BCKDHB: variants seen among roughly 807,000 people sequenced by gnomAD.
BCKDHB encodes the protein 2-oxoisovalerate dehydrogenase subunit beta, mitochondrial.
Under a neutral mutation model 48.5 loss-of-function variants are expected in BCKDHB, and 41 were observed. The ratio of observed to expected loss-of-function variants is 0.85; its 90% CI spans 0.66 to 1.10. BCKDHB has a LOEUF of 1.10. Ranked by LOEUF, BCKDHB falls within the 50% of genes least tolerant of loss-of-function variation. The probability of loss-of-function intolerance (pLI) is 0.00; values close to 1 mark genes in which losing one functional copy is unlikely to be tolerated. For missense variants in BCKDHB, 496 were observed against 494.2 expected (o/e 1.00, Z -0.03); for synonymous variants, 201 against 174.8 (o/e 1.15, Z -1.18).
chr6:80,237,855 A>G (rs1485428739), intron 8 of BCKDHB, among the ~76,000 whole-genome samples: 2 of 152,220 alleles, frequency 1.3e-5, no homozygotes, highest in Non-Finnish European at 2.9e-5. Context: ...GGTTCAGGCC[A>G]TCCCTATCAG....
Position 80,212,116 on chromosome 6 carries a change from C to T in BCKDHB, c.951+8904C>T, listed in dbSNP as rs577207766. ...ACTACTGATAAGGGTCTATGTTCAG[C>T]AGTGCACCTGTTGTCTTGATAAGCA... On this transcript the variant is annotated intron_variant, in intron 8 of 9. Coordinates refer to ENST00000320393, the MANE Select transcript of BCKDHB (RefSeq NM_183050.4). 3.1e-3 allele frequency among the ~76,000 whole-genome samples: 476 copies of T among 152,262 alleles called. 2 individuals carry two copies. The highest frequency in any genetic ancestry group is 0.011 in the African/African-American group (461 of 41,564).
chr6:80,453,087 C>T, the BCKDHB span: 2 of 152,032 alleles, frequency 1.3e-5, no homozygotes, highest in African/African-American at 4.8e-5. Flanking sequence ...CAAATAACTC[C>T]CAAAATTTTG....
At chr6:80,234,525 A>C (rs1582410709) in intron 8 of BCKDHB, among the ~76,000 whole-genome samples, 1 of 152,224 alleles carries the variant, frequency 6.6e-6, no homozygotes, top group Non-Finnish European at 1.5e-5. Context: ...TTATACTAAC[A>C]GCAGTAACAA....
chr6:80,254,283 A>G (rs1261265967), intron 8 of BCKDHB, among the ~76,000 whole-genome samples: 1 of 151,926 alleles, frequency 6.6e-6, no homozygotes, highest in East Asian at 1.9e-4. Context: ...TTCACATGTC[A>G]TAGTTTTTTA....
At chr6:80,400,802 A>C in the BCKDHB span, among the ~76,000 whole-genome samples, 1 of 151,994 alleles carries the variant, frequency 6.6e-6, no homozygotes, top group Non-Finnish European at 1.5e-5. Flanking sequence ...TGGCAAACAT[A>C]TGGAATCAAC....
At chr6:80,161,886 C>A (rs1398354526) in intron 3 of BCKDHB, among the ~76,000 whole-genome samples, 1 of 152,176 alleles carries the variant, frequency 6.6e-6, no homozygotes, top group Non-Finnish European at 1.5e-5. Flanking sequence ...AATCTTTTGA[C>A]CTTATTGATT....
chr6:80,398,696 G>GAA, the BCKDHB span, among the ~76,000 whole-genome samples: 8 of 144,334 alleles, frequency 5.5e-5, no homozygotes, highest in African/African-American at 2.0e-4. Flanking sequence ...TAAAACTTTT[G>GAA]AAAAAAAAAA....
the BCKDHB span, among the ~76,000 whole-genome samples, chr6:80,360,580 A>T: frequency 6.6e-6 from 1 of 152,212 alleles, no homozygotes; most frequent in South Asian, 2.1e-4. Context: ...CTACTTAGTG[A>T]TGCCATTTTT....
At chr6:80,383,239 C>A in the BCKDHB span, among the ~76,000 whole-genome samples, 3 of 151,976 alleles carry the variant, frequency 2.0e-5, no homozygotes, top group Admixed American at 2.0e-4. Flanking sequence ...GTTCTGTTTT[C>A]TTTTTTCTGT....
At chr6:80,413,123 G>T in the BCKDHB span, among the ~76,000 whole-genome samples, 1 of 151,980 alleles carries the variant, frequency 6.6e-6, no homozygotes, top group Non-Finnish European at 1.5e-5. Flanking sequence ...CTGCTCCTCT[G>T]CAACTCTTAT....
At chr6:80,326,852 C>T (rs560850690) in intron 9 of BCKDHB, among the ~76,000 whole-genome samples, 5 of 151,720 alleles carry the variant, frequency 3.3e-5, no homozygotes, top group African/African-American at 7.3e-5. Context: ...GGCAACAGAG[C>T]GAGACTCAGT....
At chr6:80,274,750 A>T (rs924352136) in intron 9 of BCKDHB, among the ~76,000 whole-genome samples, 1 of 152,052 alleles carries the variant, frequency 6.6e-6, no homozygotes, top group African/African-American at 2.4e-5. Context: ...TTAAAGTTTG[A>T]TCTCTGTAAG....
the BCKDHB span, among the ~76,000 whole-genome samples, chr6:80,376,432 C>T: frequency 6.6e-6 from 1 of 152,200 alleles, no homozygotes; most frequent in Non-Finnish European, 1.5e-5. Context: ...GCCCAGGCTA[C>T]ATACAAGCCT....
At chr6:80,450,362 G>T in the BCKDHB span, among the ~76,000 whole-genome samples, 1 of 152,010 alleles carries the variant, frequency 6.6e-6, no homozygotes, top group Non-Finnish European at 1.5e-5. Flanking sequence ...ATTTAATGGG[G>T]GTTTATGAAC....
At chr6:80,340,918 A>T (rs1197242823) in intron 9 of BCKDHB, among the ~76,000 whole-genome samples, 1 of 152,210 alleles carries the variant, frequency 6.6e-6, no homozygotes, top group Non-Finnish European at 1.5e-5. Flanking sequence ...AATTATTTAT[A>T]TGTGAACCAA....
chr6:80,331,487 G>T (rs1407731521), intron 9 of BCKDHB, among the ~76,000 whole-genome samples: 1 of 152,136 alleles, frequency 6.6e-6, no homozygotes, highest in African/African-American at 2.4e-5. Context: ...TCAACCAGAT[G>T]TTGATCCAAT....
the BCKDHB span, among the ~76,000 whole-genome samples, chr6:80,373,502 G>A: frequency 6.6e-6 from 1 of 151,918 alleles, no homozygotes; most frequent in African/African-American, 2.4e-5. Flanking sequence ...GCTGGGTTTG[G>A]TTTGTTCTTG....
At chr6:80,113,124 A>T (rs1308329562) in intron 1 of BCKDHB, among the ~76,000 whole-genome samples, 1 of 152,164 alleles carries the variant, frequency 6.6e-6, no homozygotes, top group Non-Finnish European at 1.5e-5. Flanking sequence ...CCTGTAGGAG[A>T]ATTTAACATA....
rs1470605270 is a variant in BCKDHB at position 80,273,150 on chromosome 6, G to A, written c.967G>A (p.Gly323Arg). Residue 323 changes from glycine (G) to arginine (R), a missense_variant, in exon 9 of 10, where the codon GGG becomes AGG. Transcript: ENST00000320393. ...TCTCTTTCAGTCTGTGATCAAAACA[G>A]GGCGACTGCTAATCAGTCACGAGGC... ...DTICKSVIKT[G>R]RLLISHEAPL... 14 of 1,613,202 alleles carry A rather than the reference G, an allele frequency of 8.7e-6. No individual in the cohort carries two copies. The highest frequency in any genetic ancestry group is 1.3e-5 in the African/African-American group (1 of 74,940).
Sources: allele counts gnomAD v4.1 joint callset (sites outside exome capture counted in the v4.1 genomes callset), GRCh38; gene constraint gnomAD v4.1.1; transcripts MANE v1.5; gene names NCBI Gene and HGNC (gene_info 2026-07-23, HGNC 2026-07-21).